Variants in PHYHIPL observed in about 807,000 individuals in gnomAD.
PHYHIPL encodes the protein phytanoyl-CoA hydroxylase-interacting protein-like.
Under a neutral mutation model 33.4 loss-of-function variants are expected in PHYHIPL, and 9 were observed. The observed-to-expected ratio is 0.27, with a 90% CI of 0.16 to 0.47. The LOEUF is 0.47. Among genes scored for constraint, PHYHIPL ranks in the 20% least tolerant of loss-of-function variants. The probability of loss-of-function intolerance (pLI) is 0.99; values close to 1 mark genes in which losing one functional copy is unlikely to be tolerated. For missense variants in PHYHIPL, 365 were observed against 460.7 expected (o/e 0.79, Z 1.90); for synonymous variants, 153 against 154.1 (o/e 0.99, Z 0.05).
chr10:59,207,375 T>C (rs1308866283), intron 1 of PHYHIPL, among the ~76,000 whole-genome samples: 1 of 152,120 alleles, frequency 6.6e-6, no homozygotes. Context: ...GACTGTGCCA[T>C]GAGGACCAGT....
Position 59,245,247 on chromosome 10 carries a change from A to G in PHYHIPL, c.787A>G (p.Asn263Asp). ...TGCCGCAGAAAAACTTTTTAACCCC[A>G]ATACTAACTTATACTTTGGGGACTT... ...EIAAEKLFNP[N>D]TNLYFGDFYC... The change falls in exon 5 of 5, where the codon AAT becomes GAT. Residue 263 changes from asparagine (N) to aspartate (D), a missense_variant. Around this residue, in one of 4 missense-constraint regions of PHYHIPL, gnomAD observed 196 missense variants for 224.9 expected, o/e 0.87. Coordinates refer to ENST00000373880, the MANE Select transcript of PHYHIPL (RefSeq NM_032439.4). The G allele has an allele frequency of 6.2e-7, 1 of 1,614,070 alleles. No individual in the cohort carries two copies. Among genetic ancestry groups the G allele is most frequent in the Non-Finnish European group, 8.5e-7 (1 of 1,179,994 alleles).
chr10:59,204,745 C>A (rs7908527), intron 1 of PHYHIPL, among the ~76,000 whole-genome samples: 37,819 of 151,336 alleles, frequency 0.25, 6,743 homozygotes, highest in African/African-American at 0.5. Context: ...TTAGTCATAT[C>A]TTTATATTTT....
chr10:59,222,722 G>C (rs113677839), intron 1 of PHYHIPL, among the ~76,000 whole-genome samples: 1 of 17,480 alleles, frequency 5.7e-5, no homozygotes, highest in Admixed American at 9.1e-4. Context: ...AAAGTGGGGG[G>C]GGTTTCAAAA....
intron 1 of PHYHIPL, among the ~76,000 whole-genome samples, chr10:59,195,499 A>C (rs1325698899): frequency 6.6e-6 from 1 of 152,208 alleles, no homozygotes; most frequent in African/African-American, 2.4e-5. Context: ...TGGGAACTTC[A>C]CAAGACTTGT....
chr10:59,184,788 T>G (rs1838521253), intron 1 of PHYHIPL, among the ~76,000 whole-genome samples: 7 of 148,244 alleles, frequency 4.7e-5, no homozygotes. Context: ...CTTAATGCTA[T>G]CCCTCCCCCC....
intron 1 of PHYHIPL, among the ~76,000 whole-genome samples, chr10:59,208,191 G>A (rs578162164): frequency 1.1e-4 from 16 of 152,240 alleles, no homozygotes; most frequent in African/African-American, 2.6e-4. Flanking sequence ...GGCATCTGGC[G>A]GATGCCCTTC....
At chr10:59,217,257 G>A (rs1357170522) in intron 1 of PHYHIPL, among the ~76,000 whole-genome samples, 1 of 152,058 alleles carries the variant, frequency 6.6e-6, no homozygotes, top group Non-Finnish European at 1.5e-5. Context: ...ACTTCAATGT[G>A]CTGATCAATT....
Position 59,245,150 on chromosome 10 carries a change from C to G in PHYHIPL, c.690C>G (p.Phe230Leu), listed in dbSNP as rs764652417. The change falls in exon 5 of 5, where the codon TTC becomes TTG. Residue 230 changes from phenylalanine to leucine, a missense_variant. By Grantham distance (22) the Phe-to-Leu change is conservative. Transcript: ENST00000373880. ...GTGGAAAATTAGAAGGCATCTTCTTCAGCTGCAGCACTGAATTCAATACTG... is the reference window on the plus strand; with the variant it reads ...GTGGAAAATTAGAAGGCATCTTCTTGAGCTGCAGCACTGAATTCAATACTG... ...PISGKLEGIF[F>L]SCSTEFNTGK... 3 of 1,614,138 alleles carry G rather than the reference C, an allele frequency of 1.9e-6. No homozygotes were observed. Among genetic ancestry groups the G allele is most frequent in the East Asian group, 4.5e-5 (2 of 44,866 alleles).
chr10:59,214,313 CA>C (rs10710911), intron 1 of PHYHIPL, among the ~76,000 whole-genome samples: 144,223 of 151,872 alleles, frequency 0.95, 68,794 homozygotes, highest in Middle Eastern at 1. Flanking sequence ...AATTAAAGCA[CA>C]AAAAAAAGAT....
rs71006239 is a variant in PHYHIPL, at chr10:59,244,562, C to CAAAAAAAAAAAAAA, written c.597-484_597-471dup. 9.9e-4 allele frequency among the ~76,000 whole-genome samples: 39 copies of CAAAAAAAAAAAAAA among 39,540 alleles called. 1 individual carries two copies. Among genetic ancestry groups the CAAAAAAAAAAAAAA allele is most frequent in the East Asian group, 2.1e-3 (2 of 970 alleles). The allele number at this position is 39,540 out of a possible 152,430, so 25.9% of individuals were successfully genotyped here. ...CTGGCAACAGAGTGAGACTCTGTCT[C>CAAAAAAAAAAAAAA]AAAAAAAAAAAAAAAAAAAAAAAAG... On this transcript the variant is annotated intron_variant, in intron 4 of 4. Coordinates refer to ENST00000373880, the MANE Select transcript of PHYHIPL (RefSeq NM_032439.4).
intron 1 of PHYHIPL, among the ~76,000 whole-genome samples, chr10:59,204,881 T>G (rs80307809): frequency 6.6e-6 from 1 of 150,730 alleles, no homozygotes; most frequent in East Asian, 1.9e-4. Flanking sequence ...TTTTTTTTTT[T>G]TGAGACAATT....
At chr10:59,193,208 T>C (rs1230891881) in intron 1 of PHYHIPL, among the ~76,000 whole-genome samples, 1 of 152,120 alleles carries the variant, frequency 6.6e-6, no homozygotes, top group East Asian at 1.9e-4. Context: ...TATAATTATA[T>C]TTGGTAGGTT....
chr10:59,176,788 T>A lies in PHYHIPL; in HGVS notation c.-66T>A. ...ACTCCCCCTCCCTTTCCCGCTCTTCTTGCCCACCCGGCCGGCAGAGAGAGC... is the reference window on the plus strand; with the variant it reads ...ACTCCCCCTCCCTTTCCCGCTCTTCATGCCCACCCGGCCGGCAGAGAGAGC... On this transcript the variant is annotated 5_prime_UTR_variant, in exon 1 of 5. In the 5' UTR this introduces an upstream ATG that the reference lacks. Coordinates refer to ENST00000373880, the MANE Select transcript of PHYHIPL (RefSeq NM_032439.4). The A allele has an allele frequency of 6.9e-7, 1 of 1,441,784 alleles. No individual in the cohort carries two copies. Among genetic ancestry groups the A allele is most frequent in the South Asian group, 1.2e-5 (1 of 81,438 alleles). 89.3% of individuals were successfully genotyped at this position (1,441,784 alleles called of 1,614,324 possible).
intron 1 of PHYHIPL, 116 bp downstream of exon 1, chr10:59,177,075 G>A: frequency 1.2e-6 from 1 of 855,804 alleles, no homozygotes; most frequent in Non-Finnish European, 1.8e-6. Flanking sequence ...TGTCCCCTCT[G>A]TGCAAATAAA....
At chr10:59,179,526 G>A (rs575394755) in intron 1 of PHYHIPL, among the ~76,000 whole-genome samples, 1 of 152,158 alleles carries the variant, frequency 6.6e-6, no homozygotes, top group East Asian at 1.9e-4. Flanking sequence ...CCTGGAAGTG[G>A]AATAAAATAG....
chr10:59,174,261 C>T (rs2133164618), upstream of PHYHIPL, among the ~76,000 whole-genome samples: 1 of 152,156 alleles, frequency 6.6e-6, no homozygotes, highest in East Asian at 1.9e-4. Flanking sequence ...TCCCGTAATT[C>T]TCCAAGCCAA....
intron 1 of PHYHIPL, among the ~76,000 whole-genome samples, chr10:59,219,755 T>C (rs1350288839): frequency 6.6e-6 from 1 of 152,108 alleles, no homozygotes; most frequent in Non-Finnish European, 1.5e-5. Context: ...AGGGAACAAC[T>C]TTGAGTTGAC....
intron 1 of PHYHIPL, among the ~76,000 whole-genome samples, chr10:59,222,257 T>G (rs1839798539): frequency 2.6e-5 from 4 of 152,040 alleles, no homozygotes; most frequent in Admixed American, 2.6e-4. Context: ...TTGGGGAACT[T>G]TGCTTTTTTA....
upstream of PHYHIPL, among the ~76,000 whole-genome samples, chr10:59,173,921 G>GTTTTTTTTTTTTTTTTTTTT (rs368316005): frequency 3.5e-5 from 2 of 57,558 alleles, no homozygotes; most frequent in African/African-American, 1.1e-4. Flanking sequence ...TACTTCTGAG[G>GTTTTTTTTTTTTTTTTTTTT]TTTTTTTTTT....
Sources: gnomAD v4.1 joint callset for allele counts (sites outside exome capture counted in the v4.1 genomes callset) on GRCh38, gnomAD v4.1.1 for gene constraint, gnomAD v4.1.1 regional missense constraint, MANE v1.5 for transcripts, NCBI Gene and HGNC (gene_info 2026-07-23, HGNC 2026-07-21) for gene names.